The following ADH1B variants were observed in gnomAD, a reference collection of about 807,000 sequenced individuals.
The protein encoded by ADH1B is all-trans-retinol dehydrogenase [NAD(+)] ADH1B.
ADH1B carries 29 observed loss-of-function variants against 34.6 expected under a neutral mutation model. That is an observed-to-expected ratio of 0.84 (90% CI 0.62 to 1.14). ADH1B has a LOEUF of 1.14. ADH1B is among the 50% of genes most tolerant of loss of function. ADH1B has a pLI of 0.00. For synonymous variants in ADH1B, 170 were observed against 175.5 expected, an observed-to-expected ratio of 0.97 and a Z score of 0.25; for missense variants, 424 against 468.4, an observed-to-expected ratio of 0.91 and a Z score of 0.87.
intron 1 of ADH1B, chr4:99,319,654 T>C (rs1733975675): frequency 1.3e-5 from 2 of 152,278 alleles, no homozygotes; most frequent in Admixed American, 1.3e-4. Flanking sequence ...GATTTCTGTT[T>C]AGCAGAGCTT....
At chr4:99,310,412 A>T (rs1733720734) in intron 8 of ADH1B, 2 of 411,876 alleles carry the variant, frequency 4.9e-6, no homozygotes, top group South Asian at 3.6e-5. Flanking sequence ...GGTAGAAGGA[A>T]GAGGCTTCAA....
Position 99,307,864 on chromosome 4 carries a change from A to G in ADH1B, c.1104T>C (p.Ser368=). The G allele has an allele frequency of 1.2e-6, 2 of 1,614,004 alleles. No homozygotes were observed. The highest frequency in any genetic ancestry group is 1.3e-5 in the African/African-American group (1 of 75,046). Residue 368 remains serine (S), a splice_region_variant and synonymous_variant, in exon 9 of 9, where the codon AGT becomes AGC. Transcript: ENST00000305046. The stretch of plus-strand genomic sequence containing the variant: ...CTCAAAACGTCAGGACGGTACGGAT[A>G]CTGCAATAGGAAAGAAGAGACATTG... The part of the protein sequence containing the change: ...EGFDLLHSGK[S]IRTVLTF
intron 8 of ADH1B, among the ~76,000 whole-genome samples, chr4:99,309,778 G>GT (rs1479779660): frequency 6.6e-6 from 1 of 152,036 alleles, no homozygotes; most frequent in East Asian, 1.9e-4. Flanking sequence ...CCGAGTCTCA[G>GT]TTTCTGTTCT....
chr4:99,321,023 C>CA (rs1401462228), intron 1 of ADH1B: 2 of 733,264 alleles, frequency 2.7e-6, no homozygotes, highest in African/African-American at 3.7e-5. Context: ...ATTTACAAAT[C>CA]AGTCATGATT....
rs1057323484 is a variant in ADH1B, at chr4:99,305,767, G to C, written c.*2073C>G. 12 of 151,402 alleles carry C rather than the reference G, an allele frequency of 7.9e-5. No individual in the cohort carries two copies. The highest frequency in any genetic ancestry group is 2.6e-4 in the Admixed American group (4 of 15,204). 9.4% of individuals were successfully genotyped at this position (151,402 alleles called of 1,614,324 possible). A position where few individuals can be genotyped will look rare whatever the true frequency, so the allele number is the denominator to read the frequency against. On this transcript the variant is annotated 3_prime_UTR_variant, in exon 9 of 9. Transcript: ENST00000305046. ...CCACCTAATGGCTCCCACTCTACCT[G>C]CTCCCCGAACCTGGGAGGAAGGCGG...
rs1206581511 is a variant in ADH1B, at chr4:99,307,591, T to A, written c.*249A>T. ...GGCAAAGGTGACACAGTAGAATGGT[T>A]AAGAAGGAAGGTTTGTTGGCTTCAA... On this transcript the variant is annotated 3_prime_UTR_variant, in exon 9 of 9. Coordinates refer to ENST00000305046, the MANE Select transcript of ADH1B (RefSeq NM_000668.6). 1 of 542,586 alleles carries A rather than the reference T, an allele frequency of 1.8e-6. No homozygotes were observed. Among genetic ancestry groups the A allele is most frequent in the Non-Finnish European group, 3.3e-6 (1 of 305,144 alleles). The allele number at this position is 542,586 out of a possible 1,614,324, so 33.6% of individuals were successfully genotyped here. A position where few individuals can be genotyped will look rare whatever the true frequency, so the allele number is the denominator to read the frequency against.
intron 5 of ADH1B, chr4:99,314,289 A>G: frequency 2.6e-6 from 2 of 773,714 alleles, no homozygotes; most frequent in African/African-American, 1.8e-5. Flanking sequence ...GATGCATATT[A>G]GATTCATCTG....
chr4:99,314,304 G>T (rs961551312), intron 5 of ADH1B: 1 of 711,072 alleles, frequency 1.4e-6, no homozygotes, highest in Non-Finnish European at 2.2e-6. Context: ...CATCTGGGGA[G>T]CTTTACAAAA....
In ADH1B at chr4:99,318,831, T is replaced by G. The variant is rs767328444; in HGVS notation, c.74A>C (p.Glu25Ala). 44 of 1,613,836 alleles carry G rather than the reference T, an allele frequency of 2.7e-5. No homozygotes were observed. The highest frequency in any genetic ancestry group is 3.6e-5 in the Non-Finnish European group (42 of 1,179,900). ...LWEVKKPFSI[E>A]DVEVAPPKAY... ...CTTAGGAGGTGCAACCTCCACATCC[T>G]CAATGGAAAAGGGTTTCTTTACCTC... Residue 25 changes from glutamate to alanine, a missense_variant, in exon 2 of 9, where the codon GAG becomes GCG. Transcript: ENST00000305046.
chr4:99,316,690 T>A (rs951893616), intron 3 of ADH1B: 3 of 159,460 alleles, frequency 1.9e-5, no homozygotes, highest in African/African-American at 7.2e-5. Context: ...TAGTTGAAAG[T>A]GATCTATTAT....
intron 1 of ADH1B, chr4:99,319,329 T>A (rs1440999286): frequency 4.5e-6 from 1 of 220,538 alleles, no homozygotes; most frequent in Non-Finnish European, 9.1e-6. Flanking sequence ...CAAAAGGATC[T>A]GACTCTATAA....
At chr4:99,320,659 T>C (rs1001770249) in intron 1 of ADH1B, 1 of 344,288 alleles carries the variant, frequency 2.9e-6, no homozygotes, top group Non-Finnish European at 4.3e-6. Context: ...AATTGTATCA[T>C]TGATTTTCTG....
At chr4:99,321,220 G>T in intron 1 of ADH1B, 94 bp downstream of exon 1, 7 of 1,110,448 alleles carry the variant, frequency 6.3e-6, no homozygotes, top group South Asian at 1.3e-5. Context: ...TTCTAATTTA[G>T]ATATGAATTT....
chr4:99,314,303 A>G, intron 5 of ADH1B: 1 of 713,448 alleles, frequency 1.4e-6, no homozygotes, highest in East Asian at 2.8e-5. Context: ...TCATCTGGGG[A>G]GCTTTACAAA....
chr4:99,311,626 A>T lies in ADH1B; in HGVS notation c.859T>A (p.Cys287Ser), dbSNP rs576329147. The T allele has an allele frequency of 8.7e-6, 14 of 1,614,010 alleles. No homozygotes were observed. In the African/African-American group the frequency reaches 1.9e-4, roughly 22 times the overall value. ...MASLLCCHEA[C>S]GTSVIVGVPP... ...ACCCCTACGATGACGCTTGTGCCAC[A>T]TGCCTCATGACAACATAACAGGGAA... The change falls in exon 7 of 9, where the codon TGT (cysteine) becomes AGT (serine). Residue 287 changes from cysteine to serine, a missense_variant. Around this residue, in one of 3 missense-constraint regions of ADH1B, gnomAD observed 130 missense variants for 151.8 expected, o/e 0.86. Coordinates refer to ENST00000305046, the MANE Select transcript of ADH1B (RefSeq NM_000668.6).
intron 6 of ADH1B, among the ~76,000 whole-genome samples, chr4:99,313,006 G>C (rs978901287): frequency 1.3e-5 from 2 of 151,564 alleles, no homozygotes; most frequent in Admixed American, 6.6e-5. Flanking sequence ...GGTAAAGTCT[G>C]TTGACTTTTC....
At chr4:99,318,734 T>C in intron 2 of ADH1B, 51 bp downstream of exon 2, 2 of 1,535,906 alleles carry the variant, frequency 1.3e-6, no homozygotes, top group Non-Finnish European at 8.9e-7. Context: ...TTTTTAATGT[T>C]CTCTGAGTTT....
chr4:99,315,835 G>T, intron 5 of ADH1B, 63 bp downstream of exon 5: 1 of 1,583,350 alleles, frequency 6.3e-7, no homozygotes, highest in Non-Finnish European at 8.7e-7. Context: ...GCAAGAAATT[G>T]CTTCCCTTTT....
intron 1 of ADH1B, 139 bp from the exon 2 acceptor site, chr4:99,319,025 G>T (rs999328789): frequency 6.8e-5 from 62 of 918,000 alleles, no homozygotes; most frequent in Non-Finnish European, 1.1e-4. Context: ...GAAGTACTCT[G>T]GTTTATAAAG....
Sources: allele counts gnomAD v4.1 joint callset (sites outside exome capture counted in the v4.1 genomes callset), GRCh38; gene constraint gnomAD v4.1.1; regional missense constraint gnomAD v4.1.1; transcripts MANE v1.5; gene names NCBI Gene and HGNC (gene_info 2026-07-23, HGNC 2026-07-21).